The following SLC35A1 variants were observed in gnomAD, a reference collection of about 807,000 sequenced individuals.
The protein encoded by SLC35A1 is CMP-sialic acid transporter.
A neutral mutation model predicts 40.3 loss-of-function variants in SLC35A1; 21 were observed. That is an observed-to-expected ratio of 0.52 (90% CI 0.37 to 0.75). The LOEUF (loss-of-function observed/expected upper bound fraction) is 0.75. Ranked by LOEUF, SLC35A1 falls within the 30% of genes least tolerant of loss-of-function variation. The pLI, the probability that SLC35A1 is intolerant of heterozygous loss-of-function variation, is 0.00. For synonymous variants in SLC35A1, 146 were observed against 147.3 expected (o/e 0.99, Z 0.06); for missense variants, 297 against 382.1 (o/e 0.78, Z 1.86).
chr6:87,501,825 G>T (rs1769931320), intron 4 of SLC35A1, among the ~76,000 whole-genome samples: 1 of 152,154 alleles, frequency 6.6e-6, no homozygotes, highest in African/African-American at 2.4e-5. Context: ...ACTGATAATT[G>T]ATAATTATCT....
rs1554167064 is a variant in SLC35A1 at position 87,511,516 on chromosome 6, T to C, written c.1004T>C (p.Ile335Thr). ...GAAACAGCTTCAAAGGAGAGAGTTATTGGTGTGTGATTTTAGCCTCACGTG... is the reference window on the plus strand; with the variant it reads ...GAAACAGCTTCAAAGGAGAGAGTTACTGGTGTGTGATTTTAGCCTCACGTG... ...QGETASKERVIGV is the reference protein window; with the variant it reads ...QGETASKERVTGV Residue 335 changes from isoleucine to threonine, a missense_variant, in exon 8 of 8, where the codon ATT becomes ACT. Ile to Thr is a moderately conservative substitution (Grantham distance 89, BLOSUM62 -1). Coordinates refer to ENST00000369552, the MANE Select transcript of SLC35A1 (RefSeq NM_006416.5). 4.3e-6 allele frequency: 7 copies of C among 1,614,004 alleles called. No homozygotes were observed. The highest frequency in any genetic ancestry group is 1.1e-5 in the South Asian group (1 of 91,076).
intron 2 of SLC35A1, among the ~76,000 whole-genome samples, chr6:87,483,364 CG>C (rs1003203483): frequency 6.6e-6 from 1 of 151,990 alleles, no homozygotes; most frequent in Non-Finnish European, 1.5e-5. Context: ...TTCTTTCCCC[CG>C]AGAAGAAGCG....
intron 2 of SLC35A1, among the ~76,000 whole-genome samples, chr6:87,478,887 G>C (rs779612510): frequency 1.3e-5 from 2 of 152,158 alleles, no homozygotes; most frequent in Non-Finnish European, 2.9e-5. Context: ...GACAAGGGAG[G>C]AAAAGGGGAC....
At chr6:87,483,893 C>T (rs181027256) in intron 2 of SLC35A1, among the ~76,000 whole-genome samples, 62 of 152,294 alleles carry the variant, frequency 4.1e-4, no homozygotes, top group African/African-American at 1.4e-3. Context: ...ACAGCAGGAT[C>T]CGCCCTAAGC....
chr6:87,493,552 T>A (rs754052260), intron 2 of SLC35A1, among the ~76,000 whole-genome samples: 16 of 152,154 alleles, frequency 1.1e-4, no homozygotes, highest in Non-Finnish European at 2.2e-4. Flanking sequence ...ATTCTAAACT[T>A]CTCCTTACCC....
At chr6:87,489,572 T>C (rs147421706) in intron 2 of SLC35A1, among the ~76,000 whole-genome samples, 1,452 of 145,174 alleles carry the variant, frequency 0.01, 25 homozygotes, top group African/African-American at 0.036. Flanking sequence ...GATGGAGTCT[T>C]GCTCTGTCAT....
At chr6:87,509,372 T>C (rs1770184525) in intron 7 of SLC35A1, among the ~76,000 whole-genome samples, 197 bp downstream of exon 7, 1 of 152,182 alleles carries the variant, frequency 6.6e-6, no homozygotes, top group Non-Finnish European at 1.5e-5. Flanking sequence ...GTTGTTTAGG[T>C]GGTCTTAGAG....
intron 2 of SLC35A1, among the ~76,000 whole-genome samples, chr6:87,494,163 T>C (rs1769645165): frequency 6.6e-6 from 1 of 152,142 alleles, no homozygotes; most frequent in Non-Finnish European, 1.5e-5. Context: ...AAAAGCTGCA[T>C]GGTATTCCAT....
chr6:87,495,544 A>G (rs1404625741), intron 2 of SLC35A1, among the ~76,000 whole-genome samples: 1 of 152,098 alleles, frequency 6.6e-6, no homozygotes, highest in Admixed American at 6.5e-5. Context: ...CCATGCTATA[A>G]TGGGTTCAGG....
At chr6:87,496,779 C>CA (rs751785939) in intron 2 of SLC35A1, among the ~76,000 whole-genome samples, 3,486 of 27,280 alleles carry the variant, frequency 0.13, 117 homozygotes, top group African/African-American at 0.15. Flanking sequence ...GACTCCATCT[C>CA]AAAAAAAAAA....
At position 87,501,216 on chromosome 6, in the gene SLC35A1, G is replaced by A. The variant is rs1360568545; in HGVS notation, c.413G>A (p.Arg138Gln). 20 of 1,613,790 alleles carry A rather than the reference G, an allele frequency of 1.2e-5. No homozygotes were observed. Among genetic ancestry groups the A allele is most frequent in the South Asian group, 4.4e-5 (4 of 91,070 alleles). Residue 138 changes from arginine to glutamine, a missense_variant, in exon 4 of 8, where the codon CGG (arginine) becomes CAG (glutamine). By Grantham distance (43) the Arg-to-Gln change is conservative (BLOSUM62 1). Transcript: ENST00000369552. ...TALCTVLMLN[R>Q]TLSKLQWVSV... The stretch of plus-strand genomic sequence containing the variant: ...TTATGCACTGTTTTAATGTTAAACC[G>A]GACACTCAGCAAATTACAGTGGGTT...
chr6:87,501,143 TTC>T lies in SLC35A1; in HGVS notation c.355-11_355-10del, dbSNP rs1314904831. On this transcript the variant is annotated splice_polypyrimidine_tract_variant and intron_variant, in intron 3 of 7. Transcript: ENST00000369552. ...AACATTAACTGAATTTATTAATTCA[TTC>T]TCTTTTTTTTAGGTGACCTACCAGT... is the stretch of plus-strand genomic sequence containing the variant. 1.9e-6 allele frequency: 3 copies of T among 1,596,848 alleles called. No individual in the cohort carries two copies. Among genetic ancestry groups the T allele is most frequent in the South Asian group, 1.1e-5 (1 of 90,736 alleles).
chr6:87,473,072 G>A (rs1280354030), intron 1 of SLC35A1, 53 bp downstream of exon 1: 8 of 458,016 alleles, frequency 1.7e-5, no homozygotes, highest in Non-Finnish European at 3.0e-5. Context: ...GGCGGCGGGC[G>A]AGCATCTGCG....
intron 4 of SLC35A1, among the ~76,000 whole-genome samples, chr6:87,505,424 G>A (rs148245496): frequency 3.3e-5 from 5 of 152,258 alleles, no homozygotes; most frequent in African/African-American, 1.2e-4. Flanking sequence ...GTGAGCACTG[G>A]TCTCACACTA....
intron 2 of SLC35A1, among the ~76,000 whole-genome samples, chr6:87,484,756 G>A (rs1769348521): frequency 6.6e-6 from 1 of 152,192 alleles, no homozygotes; most frequent in African/African-American, 2.4e-5. Flanking sequence ...TCAGAGTGGA[G>A]AGGGTAATCG....
rs1562025145 is a variant in SLC35A1 at position 87,501,268 on chromosome 6, T to TA, written c.466dup (p.Thr156AsnfsTer41). Reference sequence around the variant, plus strand: ...CAGTTTTTATGCTGTGTGCTGGAGTTACGCTTGTACAGTGGAAACCAGCCC... The same window carrying TA: ...CAGTTTTTATGCTGTGTGCTGGAGTTAACGCTTGTACAGTGGAAACCAGCCC... On this transcript the variant is annotated frameshift_variant, in exon 4 of 8. Coordinates refer to ENST00000369552, the MANE Select transcript of SLC35A1 (RefSeq NM_006416.5). LOFTEE classifies it high-confidence loss of function. 1.9e-6 allele frequency: 3 copies of TA among 1,614,124 alleles called. No homozygotes were observed. The highest frequency in any genetic ancestry group is 2.5e-6 in the Non-Finnish European group (3 of 1,180,020).
At chr6:87,475,009 G>T (rs1769025636) in intron 1 of SLC35A1, among the ~76,000 whole-genome samples, 1 of 152,130 alleles carries the variant, frequency 6.6e-6, no homozygotes, top group African/African-American at 2.4e-5. Flanking sequence ...GTACTTTTTA[G>T]TTTATCAGCC....
intron 2 of SLC35A1, among the ~76,000 whole-genome samples, chr6:87,483,418 G>T (rs1251779486): frequency 2.0e-5 from 3 of 152,030 alleles, no homozygotes; most frequent in Admixed American, 6.5e-5. Flanking sequence ...GGAGGTTTCT[G>T]TGAGGTTCAG....
At chr6:87,506,483 A>G (rs763317953) in intron 5 of SLC35A1, 35 bp downstream of exon 5, 6 of 1,584,608 alleles carry the variant, frequency 3.8e-6, no homozygotes, top group Non-Finnish European at 5.2e-6. Context: ...TTCTTTTGTC[A>G]TATTTTTCGA....
Sources: gnomAD v4.1 joint callset for allele counts (sites outside exome capture counted in the v4.1 genomes callset) on GRCh38, gnomAD v4.1.1 for gene constraint, MANE v1.5 for transcripts, NCBI Gene and HGNC (gene_info 2026-07-23, HGNC 2026-07-21) for gene names.